The following MEGF9 variants were observed in gnomAD, a reference collection of about 807,000 sequenced individuals.
The protein encoded by MEGF9 is multiple EGF like domains 9.
In MEGF9, 6 loss-of-function variants were observed where a neutral mutation model predicts 46.8. That is an observed-to-expected ratio of 0.13 (90% CI 0.07 to 0.25). MEGF9 has a LOEUF of 0.25. MEGF9 is among the 10% of genes least tolerant of loss of function. The pLI, the probability that MEGF9 is intolerant of heterozygous loss-of-function variation, is 1.00. For synonymous variants in MEGF9, 302 were observed against 330.7 expected, an observed-to-expected ratio of 0.91 and a Z score of 0.94; for missense variants, 683 against 792.4, an observed-to-expected ratio of 0.86 and a Z score of 1.66.
At chr9:120,713,177 G>A (rs2043960910) in intron 1 of MEGF9, among the ~76,000 whole-genome samples, 1 of 152,132 alleles carries the variant, frequency 6.6e-6, no homozygotes, top group Non-Finnish European at 1.5e-5. Context: ...TTATTTGCAG[G>A]GACAACATGG....
rs779627803 is a variant in MEGF9 at position 120,621,199 on chromosome 9, C to T, written c.943+1417G>A. ...GGTTTGCTGAACTTTCTGAATCTGT[C>T]GGTTGACACCTTTAATCCATTTGGA... is the stretch of plus-strand genomic sequence containing the variant. On this transcript the variant is annotated intron_variant, in intron 3 of 5. Coordinates refer to ENST00000373930, the MANE Select transcript of MEGF9 (RefSeq NM_001080497.3). Among the ~76,000 whole-genome samples, 15 of 152,314 alleles carry T rather than the reference C, an allele frequency of 9.8e-5. No individual in the cohort carries two copies. In the East Asian group the frequency reaches 1.7e-3, roughly 18 times the overall value.
At chr9:120,625,533 C>A (rs772563872) in intron 2 of MEGF9, among the ~76,000 whole-genome samples, 14 of 149,056 alleles carry the variant, frequency 9.4e-5, no homozygotes, top group Non-Finnish European at 1.9e-4. Context: ...GACTCTGTCT[C>A]TTAAAAAAAA....
chr9:120,608,133 C>G, intron 4 of MEGF9, 123 bp from the exon 5 acceptor site: 1 of 1,126,460 alleles, frequency 8.9e-7, no homozygotes, highest in Non-Finnish European at 1.3e-6. Context: ...GTGGAAGGAT[C>G]GCTTGAGCCC....
At chr9:120,667,483 T>C (rs1222583922) in intron 1 of MEGF9, among the ~76,000 whole-genome samples, 2 of 152,152 alleles carry the variant, frequency 1.3e-5, no homozygotes, top group African/African-American at 4.8e-5. Context: ...TGTTTGTTTC[T>C]TTTTCAGATT....
At chr9:120,690,036 T>C (rs1317966020) in intron 1 of MEGF9, 1 of 506,054 alleles carries the variant, frequency 2.0e-6, no homozygotes, top group Non-Finnish European at 4.1e-6. Context: ...ATGTGGCAAA[T>C]GGGTCTGCCC....
At chr9:120,703,547 T>C (rs1354863348) in intron 1 of MEGF9, among the ~76,000 whole-genome samples, 1 of 152,170 alleles carries the variant, frequency 6.6e-6, no homozygotes, top group Non-Finnish European at 1.5e-5. Flanking sequence ...ATGTGCTCAG[T>C]TAATATTAGT....
intron 3 of MEGF9, among the ~76,000 whole-genome samples, chr9:120,615,426 C>T (rs899934587): frequency 5.9e-5 from 9 of 151,368 alleles, no homozygotes; most frequent in African/African-American, 1.9e-4. Context: ...TTGTGACTAC[C>T]ACAATATAAT....
Position 120,602,328 on chromosome 9 carries a change from T to A in MEGF9, c.*2862A>T, listed in dbSNP as rs1349965845. 6.5e-6 allele frequency: 1 copy of A among 152,700 alleles called. No homozygotes were observed. Among genetic ancestry groups the A allele is most frequent in the African/African-American group, 2.4e-5 (1 of 41,464 alleles). 9.5% of individuals were successfully genotyped at this position (152,700 alleles called of 1,614,324 possible). On this transcript the variant is annotated 3_prime_UTR_variant, in exon 6 of 6. Transcript: ENST00000373930. ...AAAATTAGGCTTTCTAAAGGACTGA[T>A]GGCATCCTGCTGCCAGATGCCACAG... is the stretch of plus-strand genomic sequence containing the variant.
chr9:120,688,930 T>C (rs2043836181), intron 1 of MEGF9, among the ~76,000 whole-genome samples: 1 of 152,146 alleles, frequency 6.6e-6, no homozygotes, highest in African/African-American at 2.4e-5. Flanking sequence ...AGAGAAAAGA[T>C]TCCTGGCAAA....
intron 1 of MEGF9, among the ~76,000 whole-genome samples, chr9:120,705,845 A>G (rs191580172): frequency 1.3e-5 from 2 of 152,254 alleles, no homozygotes; most frequent in Non-Finnish European, 2.9e-5. Flanking sequence ...CTTGAAAAAA[A>G]GCCTAAGTGA....
At chr9:120,632,066 T>C (rs2043553038) in intron 2 of MEGF9, among the ~76,000 whole-genome samples, 1 of 152,130 alleles carries the variant, frequency 6.6e-6, no homozygotes, top group Non-Finnish European at 1.5e-5. Context: ...TAGCTGGGAC[T>C]ATAGGTGCAT....
intron 2 of MEGF9, among the ~76,000 whole-genome samples, chr9:120,626,594 T>C (rs1331441663): frequency 6.7e-6 from 1 of 149,056 alleles, no homozygotes; most frequent in Admixed American, 6.6e-5. Flanking sequence ...AAATTACCTT[T>C]TTAAAGACTC....
chr9:120,653,550 T>G (rs994771645), intron 2 of MEGF9, among the ~76,000 whole-genome samples: 7 of 151,942 alleles, frequency 4.6e-5, no homozygotes, highest in Non-Finnish European at 4.4e-5. Context: ...TTTTGTATTT[T>G]TAGTAGAGAC....
intron 2 of MEGF9, among the ~76,000 whole-genome samples, chr9:120,635,307 G>A (rs901183135): frequency 2.6e-5 from 4 of 152,106 alleles, no homozygotes; most frequent in South Asian, 2.1e-4. Context: ...ATCTTTTTGT[G>A]TGAAATCTAT....
intron 5 of MEGF9, among the ~76,000 whole-genome samples, chr9:120,607,006 T>C (rs977298180): frequency 6.6e-6 from 1 of 152,176 alleles, no homozygotes; most frequent in Non-Finnish European, 1.5e-5. Context: ...TGAATCTTTT[T>C]GCCTTGATCA....
chr9:120,693,373 C>A (rs2043860154), intron 1 of MEGF9, among the ~76,000 whole-genome samples: 1 of 151,046 alleles, frequency 6.6e-6, no homozygotes, highest in Non-Finnish European at 1.5e-5. Context: ...AAACAGAAAG[C>A]AACAGCATCC....
At chr9:120,635,300 T>C (rs1456916084) in intron 2 of MEGF9, among the ~76,000 whole-genome samples, 11 of 152,200 alleles carry the variant, frequency 7.2e-5, no homozygotes, top group Non-Finnish European at 1.3e-4. Context: ...GGATGGGATC[T>C]TTTTGTGTGA....
intron 1 of MEGF9, among the ~76,000 whole-genome samples, chr9:120,686,853 T>A (rs896260525): frequency 6.6e-6 from 1 of 152,226 alleles, no homozygotes; most frequent in African/African-American, 2.4e-5. Context: ...CTGGGATGGT[T>A]CATTTTGTAG....
chr9:120,681,498 G>C (rs1886337), intron 1 of MEGF9, among the ~76,000 whole-genome samples: 90,495 of 151,916 alleles, frequency 0.6, 29,355 homozygotes, highest in South Asian at 0.75. Flanking sequence ...CTGGGGTTGG[G>C]GGAGGGATGG....
Sources: allele counts gnomAD v4.1 joint callset (sites outside exome capture counted in the v4.1 genomes callset), GRCh38; gene constraint gnomAD v4.1.1; transcripts MANE v1.5; gene names NCBI Gene and HGNC (gene_info 2026-07-23, HGNC 2026-07-21).